The following INPP4B variants were observed in gnomAD, a reference collection of about 807,000 sequenced individuals.
The protein encoded by INPP4B is inositol polyphosphate 4-phosphatase type II.
A neutral mutation model predicts 122.5 loss-of-function variants in INPP4B; 55 were observed. The observed-to-expected ratio is 0.45, with a 90% confidence interval of 0.36 to 0.56. The LOEUF (loss-of-function observed/expected upper bound fraction) is 0.56. Ranked by LOEUF, INPP4B falls within the 20% of genes least tolerant of loss-of-function variation. The probability of loss-of-function intolerance (pLI) is 0.00; values close to 1 mark genes in which losing one functional copy is unlikely to be tolerated. For missense variants in INPP4B, 1,000 were observed against 1,097.7 expected, an observed-to-expected ratio of 0.91 and a Z score of 1.26; for synonymous variants, 403 against 388.7, an observed-to-expected ratio of 1.04 and a Z score of -0.43.
At chr4:142,225,711 G>A (rs989601934) in intron 12 of INPP4B, among the ~76,000 whole-genome samples, 3 of 151,764 alleles carry the variant, frequency 2.0e-5, no homozygotes, top group Admixed American at 6.6e-5. Context: ...GGAATGAAAG[G>A]GGGCAGGAGA....
At chr4:142,217,925 C>A (rs532830425) in intron 12 of INPP4B, among the ~76,000 whole-genome samples, 2 of 152,158 alleles carry the variant, frequency 1.3e-5, no homozygotes, top group Non-Finnish European at 2.9e-5. Context: ...CTGACACACT[C>A]GACTGGAACT....
chr4:142,556,331 G>A (rs903246830), intron 2 of INPP4B, among the ~76,000 whole-genome samples: 1 of 152,176 alleles, frequency 6.6e-6, no homozygotes, highest in Non-Finnish European at 1.5e-5. Flanking sequence ...CCTTGGTAAC[G>A]AAGGTAAGTC....
intron 2 of INPP4B, among the ~76,000 whole-genome samples, chr4:142,502,711 C>T (rs1230542221): frequency 3.9e-5 from 6 of 152,034 alleles, no homozygotes; most frequent in African/African-American, 1.4e-4. Flanking sequence ...GAACTCCCAA[C>T]CTCAGGTGAT....
chr4:142,789,392 G>A (rs141848091), intron 1 of INPP4B, among the ~76,000 whole-genome samples: 67 of 152,168 alleles, frequency 4.4e-4, no homozygotes, highest in African/African-American at 1.5e-3. Context: ...AAGTTTCAGT[G>A]TACAAAATTA....
chr4:142,634,845 A>G (rs1748739768), intron 2 of INPP4B, among the ~76,000 whole-genome samples: 1 of 152,122 alleles, frequency 6.6e-6, no homozygotes, highest in African/African-American at 2.4e-5. Flanking sequence ...AATAAAAGGT[A>G]TAAGAACTGG....
intron 2 of INPP4B, among the ~76,000 whole-genome samples, chr4:142,582,664 G>T (rs998056186): frequency 6.6e-6 from 1 of 152,112 alleles, no homozygotes; most frequent in Admixed American, 6.6e-5. Flanking sequence ...TTGCAATAAC[G>T]AGTTTGGTGG....
intron 2 of INPP4B, among the ~76,000 whole-genome samples, chr4:142,579,893 A>AGATAGGTAGGTG (rs1734692189): frequency 6.8e-6 from 1 of 147,764 alleles, no homozygotes; most frequent in South Asian, 2.1e-4. Context: ...ATAGATAGAT[A>AGATAGGTAGGTG]GATAGATAGA....
chr4:142,116,910 G>T (rs755418392), intron 21 of INPP4B, among the ~76,000 whole-genome samples: 1 of 151,786 alleles, frequency 6.6e-6, no homozygotes, highest in Non-Finnish European at 1.5e-5. Flanking sequence ...TTGACAGACC[G>T]GTAGCGAAAC....
chr4:142,299,169 TG>T (rs71250020), intron 9 of INPP4B, among the ~76,000 whole-genome samples: 14 of 145,716 alleles, frequency 9.6e-5, no homozygotes, highest in African/African-American at 2.6e-4. Flanking sequence ...TTTTTTTTTT[TG>T]GGGGGGAGAC....
chr4:142,838,273 A>T (rs1783059967), intron 1 of INPP4B, among the ~76,000 whole-genome samples: 1 of 151,748 alleles, frequency 6.6e-6, no homozygotes. Flanking sequence ...TCTTTTGATG[A>T]TTTTTTTCTG....
chr4:142,439,137 G>A (rs974071841), intron 3 of INPP4B, among the ~76,000 whole-genome samples: 4 of 152,184 alleles, frequency 2.6e-5, no homozygotes, highest in South Asian at 2.1e-4. Context: ...CTCCTAGATC[G>A]CTCCAAGTGC....
intron 2 of INPP4B, among the ~76,000 whole-genome samples, chr4:142,709,279 A>T (rs1056720310): frequency 6.6e-6 from 1 of 152,106 alleles, no homozygotes; most frequent in African/African-American, 2.4e-5. Context: ...TAGACTTTGG[A>T]CTGAGGACTT....
chr4:142,677,364 G>A (rs1159412165), intron 2 of INPP4B, among the ~76,000 whole-genome samples: 1 of 152,106 alleles, frequency 6.6e-6, no homozygotes, highest in African/African-American at 2.4e-5. Flanking sequence ...AGAGGGTGGG[G>A]AGAAATAGGA....
intron 2 of INPP4B, among the ~76,000 whole-genome samples, chr4:142,567,399 C>A (rs921965907): frequency 6.6e-6 from 1 of 152,104 alleles, no homozygotes; most frequent in African/African-American, 2.4e-5. Context: ...ACTAGTCACT[C>A]TTCCAGTAGT....
chr4:142,283,445 G>A (rs758560614), intron 9 of INPP4B, among the ~76,000 whole-genome samples: 48 of 152,264 alleles, frequency 3.2e-4, no homozygotes, highest in Middle Eastern at 3.4e-3. Flanking sequence ...GTTGCTAGAT[G>A]ACAGAATATA....
chr4:142,398,527 T>C (rs1800499042), intron 7 of INPP4B, among the ~76,000 whole-genome samples: 1 of 147,512 alleles, frequency 6.8e-6, no homozygotes, highest in Non-Finnish European at 1.5e-5. Context: ...CCATATCTTA[T>C]GGATGAAGAA....
intron 2 of INPP4B, among the ~76,000 whole-genome samples, chr4:142,542,870 G>T (rs759140584): frequency 4.6e-5 from 7 of 151,984 alleles, no homozygotes; most frequent in Non-Finnish European, 1.0e-4. Context: ...GAAAGAAACT[G>T]CCTTTTTTAT....
chr4:142,300,892 T>C lies in INPP4B; in HGVS notation c.503+4566A>G, dbSNP rs371281587. Among the ~76,000 whole-genome samples, 80 of 152,236 alleles carry C rather than the reference T, an allele frequency of 5.3e-4. 1 individual carries two copies. The highest frequency in any genetic ancestry group is 6.8e-3 in the Middle Eastern group (2 of 294). On this transcript the variant is annotated intron_variant, in intron 9 of 25. Coordinates refer to ENST00000262992, the MANE Select transcript of INPP4B (RefSeq NM_001101669.3). ...ATGAATAAATACTTGCACATCTCTA[T>C]TCAAGAAAAAGTGTTATCACATTCA...
intron 7 of INPP4B, among the ~76,000 whole-genome samples, chr4:142,359,374 C>T (rs75670133): frequency 6.6e-6 from 1 of 151,960 alleles, no homozygotes; most frequent in East Asian, 1.9e-4. Flanking sequence ...CAGTACCTAC[C>T]CTCATGTTGT....
Sources: allele counts gnomAD v4.1 joint callset (sites outside exome capture counted in the v4.1 genomes callset), GRCh38; gene constraint gnomAD v4.1.1; transcripts MANE v1.5; gene names NCBI Gene and HGNC (gene_info 2026-07-23, HGNC 2026-07-21).